DNAH14: variants seen among roughly 807,000 people sequenced by gnomAD.
The protein encoded by DNAH14 is dynein axonemal heavy chain 14.
In DNAH14, 478 loss-of-function variants were observed where a neutral mutation model predicts 520.9. That is an observed-to-expected ratio of 0.92 (90% CI 0.85 to 0.99). The LOEUF (loss-of-function observed/expected upper bound fraction) is 0.99. DNAH14 is among the 50% of genes least tolerant of loss of function. The probability of loss-of-function intolerance (pLI) is 0.00; values close to 1 mark genes in which losing one functional copy is unlikely to be tolerated. For synonymous variants in DNAH14, 1,581 were observed against 1,757.2 expected (o/e 0.90, Z 2.51); for missense variants, 4,831 against 5,234.5 (o/e 0.92, Z 2.38).
At position 225,080,593 on chromosome 1, in the gene DNAH14, G is replaced by T. The variant is rs1471530173; in HGVS notation, c.2981G>T (p.Gly994Val). Reference sequence around the variant, plus strand: ...CTTTCAGAGATCTCTGACATTGAAGGTGACTTGACTTTGAGGAAAAAACTA... The same window carrying T: ...CTTTCAGAGATCTCTGACATTGAAGTTGACTTGACTTTGAGGAAAAAACTA... Reference protein sequence around the residue: ...IVLSEISDIEGDLTLRKKLWE... With the variant: ...IVLSEISDIEVDLTLRKKLWE... Residue 994 changes from glycine (G) to valine (V), a missense_variant, in exon 19 of 86, where the codon GGT becomes GTT. Gly to Val is a moderately radical substitution (Grantham distance 109). Coordinates refer to ENST00000682510, the MANE Select transcript of DNAH14 (RefSeq NM_001367479.1). 1.9e-6 allele frequency: 3 copies of T among 1,552,018 alleles called. No individual in the cohort carries two copies. Among genetic ancestry groups the T allele is most frequent in the South Asian group, 1.2e-5 (1 of 84,060 alleles).
chr1:225,228,319 C>T (rs181724371), intron 41 of DNAH14, among the ~76,000 whole-genome samples: 26 of 152,222 alleles, frequency 1.7e-4, no homozygotes, highest in African/African-American at 6.0e-4. Flanking sequence ...CTTGAAGCTG[C>T]CTTGGAATAT....
At chr1:225,293,956 CT>C (rs753986046) in intron 55 of DNAH14, among the ~76,000 whole-genome samples, 97 of 152,084 alleles carry the variant, frequency 6.4e-4, no homozygotes, top group Admixed American at 1.5e-3. Context: ...ATTGCTTTGG[CT>C]AGAATTTCCA....
chr1:225,094,681 ACAAAACAAACAAAC>A (rs2074762746), intron 21 of DNAH14, among the ~76,000 whole-genome samples: 3 of 139,274 alleles, frequency 2.2e-5, no homozygotes, highest in Admixed American at 7.0e-5. Flanking sequence ...AAAAAAAACA[ACAAAACAAACAAAC>A]AAAAAAACGC....
In DNAH14 at chr1:225,346,541, G is replaced by T. The variant is rs2095288735; in HGVS notation, c.11183G>T (p.Gly3728Val). 1 of 1,551,122 alleles carries T rather than the reference G, an allele frequency of 6.4e-7. No individual in the cohort carries two copies. The highest frequency in any genetic ancestry group is 8.7e-7 in the Non-Finnish European group (1 of 1,146,764). Residue 3728 changes from glycine (G) to valine (V), a missense_variant, in exon 71 of 86, where the codon GGA becomes GTA. Coordinates refer to ENST00000682510, the MANE Select transcript of DNAH14 (RefSeq NM_001367479.1). ...GTAATCATGCAAAACAATGCTAATG[G>T]AAATCTAATACAGGATGACATTGGA... ...CTVIMQNNAN[G>V]NLIQDDIGFL...
chr1:225,252,851 A>C (rs951850075), intron 44 of DNAH14, among the ~76,000 whole-genome samples: 4 of 152,194 alleles, frequency 2.6e-5, no homozygotes, highest in Admixed American at 2.0e-4. Flanking sequence ...CATATATGCT[A>C]AATTGTTTTT....
chr1:225,094,852 TGGG>T (rs2074801950), intron 21 of DNAH14, among the ~76,000 whole-genome samples: 129 of 140,074 alleles, frequency 9.2e-4, no homozygotes, highest in African/African-American at 3.2e-3. Flanking sequence ...CATTAAAAAG[TGGG>T]TAAAGGACAC....
chr1:225,333,144 T>G, intron 65 of DNAH14, 147 bp from the exon 66 acceptor site: 2 of 635,158 alleles, frequency 3.1e-6, no homozygotes, highest in Non-Finnish European at 5.1e-6. Context: ...TTTTTCAATA[T>G]TATCCATTAT....
At chr1:225,382,989 A>G (rs1484307649) in intron 81 of DNAH14, among the ~76,000 whole-genome samples, 1 of 152,242 alleles carries the variant, frequency 6.6e-6, no homozygotes, top group African/African-American at 2.4e-5. Context: ...CATTTACAAG[A>G]AATGTCCAGA....
chr1:225,105,279 ATTTGC>A (rs2075931328), intron 23 of DNAH14, among the ~76,000 whole-genome samples: 1 of 152,074 alleles, frequency 6.6e-6, no homozygotes, highest in Non-Finnish European at 1.5e-5. Context: ...GATCTTTTAC[ATTTGC>A]TGAGGAGAGC....
Position 225,231,209 on chromosome 1 carries a change from A to C in DNAH14, c.6518+58A>C. On this transcript the variant is annotated intron_variant, in intron 42 of 85. Coordinates refer to ENST00000682510, the MANE Select transcript of DNAH14 (RefSeq NM_001367479.1). ...ATAACCATTAGGTGCCAGACCCTCA[A>C]ATATGCACAGGATTACTTCTCAATA... 1.8e-6 allele frequency: 2 copies of C among 1,123,034 alleles called. 1 individual carries two copies. Among genetic ancestry groups the C allele is most frequent in the South Asian group, 3.2e-5 (2 of 63,332 alleles). 69.6% of individuals were successfully genotyped at this position (1,123,034 alleles called of 1,614,324 possible).
Position 225,346,516 on chromosome 1 carries a change from G to A in DNAH14, c.11158G>A (p.Val3720Ile). 6.4e-7 allele frequency: 1 copy of A among 1,551,092 alleles called. No homozygotes were observed. The highest frequency in any genetic ancestry group is 8.7e-7 in the Non-Finnish European group (1 of 1,146,644). The change falls in exon 71 of 86, where the codon GTA (valine) becomes ATA (isoleucine). Residue 3720 changes from valine (V) to isoleucine (I), a missense_variant. By Grantham distance (29) the Val-to-Ile change is conservative. Transcript: ENST00000682510. ...TTGCTTCTCTTTTCGGCTTTGCACT[G>A]TAATCATGCAAAACAATGCTAATGG... ...KLCFSFRLCT[V>I]IMQNNANGNL... is the part of the protein sequence containing the mutation.
intron 17 of DNAH14, among the ~76,000 whole-genome samples, chr1:225,061,845 C>T (rs1441656017): frequency 6.6e-6 from 1 of 152,180 alleles, no homozygotes; most frequent in Non-Finnish European, 1.5e-5. Context: ...GAAAGTTCAT[C>T]TTCATCCATT....
rs192696188 is a variant in DNAH14 at position 225,059,223 on chromosome 1, A to G, written c.2424+7428A>G. On this transcript the variant is annotated intron_variant, in intron 17 of 85. Transcript: ENST00000682510. ...ATCTGGGTGCTCCTGTATTGGCTGC[A>G]TAGATATTTAGGATAGTTAGCTCTT... Among the ~76,000 whole-genome samples the G allele has an allele frequency of 8.9e-3, 1,350 of 152,300 alleles. 15 individuals are homozygous for G. Among genetic ancestry groups the G allele is most frequent in the Non-Finnish European group, 0.013 (872 of 68,030 alleles).
At chr1:225,389,035 G>C (rs1203126703) in intron 82 of DNAH14, among the ~76,000 whole-genome samples, 2 of 152,234 alleles carry the variant, frequency 1.3e-5, no homozygotes, top group Non-Finnish European at 2.9e-5. Flanking sequence ...AGGGATTACA[G>C]GCATGAGCCA....
intron 25 of DNAH14, 37 bp from the exon 26 acceptor site, chr1:225,119,183 T>A: frequency 7.0e-7 from 1 of 1,419,634 alleles, no homozygotes; most frequent in East Asian, 2.6e-5. Flanking sequence ...AATTAAAAAA[T>A]AATTCTTCAT....
intron 3 of DNAH14, among the ~76,000 whole-genome samples, chr1:224,957,493 G>A (rs1014078396): frequency 1.3e-5 from 2 of 150,922 alleles, no homozygotes; most frequent in African/African-American, 4.8e-5. Flanking sequence ...CAGTGAGAAT[G>A]TATAAAGTGA....
intron 8 of DNAH14, among the ~76,000 whole-genome samples, chr1:224,996,958 G>A (rs1267746007): frequency 6.6e-6 from 1 of 152,206 alleles, no homozygotes; most frequent in South Asian, 2.1e-4. Flanking sequence ...CTCTCTCTGT[G>A]GGGTGTGGGG....
intron 42 of DNAH14, among the ~76,000 whole-genome samples, chr1:225,237,187 T>C (rs2091649181): frequency 6.6e-6 from 1 of 152,174 alleles, no homozygotes; most frequent in African/African-American, 2.4e-5. Flanking sequence ...TGCAGACTTC[T>C]TTATGTGGTT....
At chr1:225,330,285 C>CT (rs2094766756) in intron 64 of DNAH14, among the ~76,000 whole-genome samples, 1 of 152,136 alleles carries the variant, frequency 6.6e-6, no homozygotes, top group Admixed American at 6.6e-5. Flanking sequence ...CCATATGATC[C>CT]AGCAATTCTA....
Sources: allele counts gnomAD v4.1 joint callset (sites outside exome capture counted in the v4.1 genomes callset), GRCh38; gene constraint gnomAD v4.1.1; transcripts MANE v1.5; gene names NCBI Gene and HGNC (gene_info 2026-07-23, HGNC 2026-07-21).